ZNF701: variants seen among roughly 807,000 people sequenced by gnomAD.
ZNF701 encodes zinc finger protein 701.
ZNF701 carries 6 observed loss-of-function variants against 7.1 expected under a neutral mutation model. The ratio of observed to expected loss-of-function variants is 0.84; its 90% CI spans 0.46 to 1.66. The LOEUF (loss-of-function observed/expected upper bound fraction) is 1.66. Ranked by LOEUF, ZNF701 falls within the 40% of genes most tolerant of loss-of-function variation. The pLI is 0.01. For synonymous variants in ZNF701, 166 were observed against 188.2 expected, an observed-to-expected ratio of 0.88 and a Z score of 0.97; for missense variants, 541 against 559.2, an observed-to-expected ratio of 0.97 and a Z score of 0.33.
Position 52,582,630 on chromosome 19 carries a change from A to T in ZNF701, c.571A>T (p.Lys191Ter). The T allele has an allele frequency of 1.2e-6, 2 of 1,614,166 alleles. No homozygotes were observed. The highest frequency in any genetic ancestry group is 1.7e-6 in the Non-Finnish European group (2 of 1,180,018). Reference protein sequence around the residue: ...SCRPKTRISNKYRNNFLQSSL... With the variant: ...SCRPKTRISN ...TAGGCCAAAAACTCGTATTTCTAAT[A>T]AGTATAGGAATAATTTCCTCCAGTC... is the stretch of plus-strand genomic sequence containing the variant. Residue 191 changes from lysine (K) to a stop codon, truncating the protein, a stop_gained, in exon 4 of 4, where the codon AAG becomes TAG. Transcript: ENST00000391785. LOFTEE classifies it low-confidence loss of function (END_TRUNC).
chr19:52,576,993 G>T (rs1237476141), intron 3 of ZNF701, among the ~76,000 whole-genome samples: 1 of 150,076 alleles, frequency 6.7e-6, no homozygotes, highest in African/African-American at 2.4e-5. Flanking sequence ...TAGTGTGTGG[G>T]GAAACTCTGC....
chr19:52,596,076 T>A, the ZNF701 span: 1 of 1,224,024 alleles, frequency 8.2e-7, no homozygotes, highest in Non-Finnish European at 1.2e-6. Flanking sequence ...TCTTCATTAT[T>A]CACACAAATA....
downstream of ZNF701, among the ~76,000 whole-genome samples, chr19:52,590,883 A>AG (rs567961949): frequency 1.2e-4 from 19 of 152,292 alleles, no homozygotes; most frequent in South Asian, 3.7e-3. Context: ...TTCTGTCATC[A>AG]GGCTAAAGTG....
downstream of ZNF701, chr19:52,591,985 CT>C: frequency 1.9e-6 from 1 of 533,850 alleles, no homozygotes; most frequent in Non-Finnish European, 3.3e-6. Flanking sequence ...CTTAATGCGG[CT>C]TTGTCAGAAC....
intron 1 of ZNF701, among the ~76,000 whole-genome samples, chr19:52,572,880 C>T (rs1040816814): frequency 5.3e-5 from 8 of 152,160 alleles, no homozygotes; most frequent in South Asian, 2.1e-4. Flanking sequence ...AAACCCTTCC[C>T]GTCTCAGGTC....
At chr19:52,581,600 C>T (rs552415608) in intron 3 of ZNF701, among the ~76,000 whole-genome samples, 45 of 152,266 alleles carry the variant, frequency 3.0e-4, no homozygotes, top group African/African-American at 1.0e-3. Flanking sequence ...GCAACCTTTG[C>T]CTCTTGGCTT....
Position 52,582,711 on chromosome 19 carries a change from A to T in ZNF701, c.652A>T (p.Asn218Tyr). Reference protein sequence around the residue: ...VHTREKSFQRNESGKAFNGSS... With the variant: ...VHTREKSFQRYESGKAFNGSS... ...CACAAGAGAAAAATCTTTCCAACGT[A>T]ATGAGAGTGGCAAAGCCTTTAATGG... The change falls in exon 4 of 4, where the codon AAT becomes TAT. Residue 218 changes from asparagine to tyrosine, a missense_variant. Coordinates refer to ENST00000391785, the MANE Select transcript of ZNF701 (RefSeq NM_018260.3). 6.2e-7 allele frequency: 1 copy of T among 1,614,198 alleles called. No individual in the cohort carries two copies. The highest frequency in any genetic ancestry group is 8.5e-7 in the Non-Finnish European group (1 of 1,180,016).
rs34816302 is a variant in ZNF701, at chr19:52,586,354, T to TA, written c.*2908dup. The TA allele has an allele frequency of 0.083, 12,402 of 149,070 alleles. 594 individuals carry two copies. Among genetic ancestry groups the TA allele is most frequent in the East Asian group, 0.19 (969 of 5,006 alleles). 9.2% of individuals were successfully genotyped at this position (149,070 alleles called of 1,614,324 possible). On this transcript the variant is annotated 3_prime_UTR_variant, in exon 4 of 4. Coordinates refer to ENST00000391785, the MANE Select transcript of ZNF701 (RefSeq NM_018260.3). Reference sequence around the variant, plus strand: ...ACCATGCCCGCCTTATTTCTTAATTTAAAAAAAAAAATGTATATGTAGACT... The same window carrying TA: ...ACCATGCCCGCCTTATTTCTTAATTTAAAAAAAAAAAATGTATATGTAGACT...
intron 1 of ZNF701, 98 bp downstream of exon 1, chr19:52,570,428 C>T (rs925503538): frequency 6.6e-6 from 1 of 152,248 alleles, no homozygotes; most frequent in Non-Finnish European, 1.5e-5. Flanking sequence ...TAAATTCTCG[C>T]CCATCTTCCT....
intron 3 of ZNF701, among the ~76,000 whole-genome samples, chr19:52,581,070 GCCAAGAT>G (rs2059972267): frequency 6.6e-6 from 1 of 152,014 alleles, no homozygotes; most frequent in South Asian, 2.1e-4. Flanking sequence ...GCTGCAGTGA[GCCAAGAT>G]CATGCCATTG....
In ZNF701 at chr19:52,582,555, A is replaced by C. The variant is rs745683607; in HGVS notation, c.496A>C (p.Lys166Gln). ...PEGKIGNQVE[K>Q]AINDAFSVSA... The stretch of plus-strand genomic sequence containing the variant: ...AGGGAAAATTGGTAATCAAGTTGAG[A>C]AGGCTATCAACGATGCTTTCTCAGT... The change falls in exon 4 of 4, where the codon AAG becomes CAG. Residue 166 changes from lysine (K) to glutamine (Q), a missense_variant. Lys to Gln is a moderately conservative substitution (Grantham distance 53). Transcript: ENST00000391785. The C allele has an allele frequency of 6.2e-7, 1 of 1,614,204 alleles. No individual in the cohort carries two copies. The highest frequency in any genetic ancestry group is 8.5e-7 in the Non-Finnish European group (1 of 1,180,032).
the ZNF701 span, chr19:52,596,156 T>C: frequency 0.43 from 311,172 of 720,994 alleles, 67,899 homozygotes; most frequent in Middle Eastern, 0.51. Flanking sequence ...TCATAGCTCA[T>C]GTTTAAGGAG....
At position 52,570,326 on chromosome 19, in the gene ZNF701, C is replaced by T. The variant is rs528867920; in HGVS notation, c.-76C>T. 1 of 154,290 alleles carries T rather than the reference C, an allele frequency of 6.5e-6. No individual in the cohort carries two copies. The highest frequency in any genetic ancestry group is 1.9e-4 in the South Asian group (1 of 5,374). The allele number at this position is 154,290 out of a possible 1,614,324, so 9.6% of individuals were successfully genotyped here. Reference sequence around the variant, plus strand: ...ATCCCGTGGAGTGAAGGTCGCACCGCGGCGGTGAGTTTTGCTCTGTGTTGT... The same window carrying T: ...ATCCCGTGGAGTGAAGGTCGCACCGTGGCGGTGAGTTTTGCTCTGTGTTGT... On this transcript the variant is annotated 5_prime_UTR_variant, in exon 1 of 4. Coordinates refer to ENST00000391785, the MANE Select transcript of ZNF701 (RefSeq NM_018260.3).
At chr19:52,598,472 G>C in the ZNF701 span, among the ~76,000 whole-genome samples, 1 of 152,140 alleles carries the variant, frequency 6.6e-6, no homozygotes, top group African/African-American at 2.4e-5. Flanking sequence ...GTGGCGCGCT[G>C]GTTGCCGCGG....
rs764726854 is a variant in ZNF701 at position 52,582,891 on chromosome 19, ACATT to A, written c.835_838del (p.Phe279ValfsTer7). On this transcript the variant is annotated frameshift_variant, in exon 4 of 4. Coordinates refer to ENST00000391785, the MANE Select transcript of ZNF701 (RefSeq NM_018260.3). LOFTEE classifies it low-confidence loss of function (END_TRUNC). ...TTACACGTGTAATGAGTGTGGCAAG[ACATT>A]CAGTCACAATTCAGCCCTGTTAGTT... 2.3e-5 allele frequency: 37 copies of A among 1,613,208 alleles called. No individual in the cohort carries two copies. The highest frequency in any genetic ancestry group is 8.9e-5 in the East Asian group (4 of 44,848).
downstream of ZNF701, among the ~76,000 whole-genome samples, chr19:52,591,388 C>A (rs1438372120): frequency 2.0e-5 from 3 of 152,006 alleles, no homozygotes; most frequent in Admixed American, 1.3e-4. Flanking sequence ...ACCATGTTGG[C>A]CAGGTTGTTC....
chr19:52,594,596 C>A, the ZNF701 span, among the ~76,000 whole-genome samples: 2 of 151,878 alleles, frequency 1.3e-5, no homozygotes, highest in African/African-American at 4.8e-5. Context: ...TCACTGCAAC[C>A]CCCACCTCCC....
downstream of ZNF701, among the ~76,000 whole-genome samples, chr19:52,587,539 C>T (rs902892756): frequency 1.3e-5 from 2 of 152,172 alleles, no homozygotes; most frequent in Non-Finnish European, 2.9e-5. Context: ...TTTGTGATCT[C>T]CCACAGCCCC....
chr19:52,579,874 A>AAAAT (rs78296394), intron 3 of ZNF701, among the ~76,000 whole-genome samples: 14,705 of 135,034 alleles, frequency 0.11, 1,359 homozygotes, highest in Admixed American at 0.14. Context: ...ACTCCATCTC[A>AAAAT]AAATAAATAA....
Sources: allele counts gnomAD v4.1 joint callset (sites outside exome capture counted in the v4.1 genomes callset), GRCh38; gene constraint gnomAD v4.1.1; transcripts MANE v1.5; gene names NCBI Gene and HGNC (gene_info 2026-07-23, HGNC 2026-07-21).